PAPPA2: variants seen among roughly 807,000 people sequenced by gnomAD.
PAPPA2 encodes pappalysin-2.
A neutral mutation model predicts 176.4 loss-of-function variants in PAPPA2; 86 were observed. That is an observed-to-expected ratio of 0.49 (90% CI 0.41 to 0.58). The LOEUF (loss-of-function observed/expected upper bound fraction) is 0.58, where lower values mean the gene tolerates loss of function less well. Ranked by LOEUF, PAPPA2 falls within the 20% of genes least tolerant of loss-of-function variation. The pLI is 0.00. For missense variants in PAPPA2, 2,073 were observed against 2,256.9 expected (o/e 0.92, Z 1.65); for synonymous variants, 809 against 852.2 (o/e 0.95, Z 0.88).
At chr1:176,574,284 T>G (rs1652518753) in intron 2 of PAPPA2, among the ~76,000 whole-genome samples, 1 of 152,186 alleles carries the variant, frequency 6.6e-6, no homozygotes, top group Non-Finnish European at 1.5e-5. Context: ...GTTTTACATG[T>G]GCGAATTAAT....
rs528448881 is a variant in PAPPA2, at chr1:176,596,360, T to C, written c.1991+765T>C. ...GCACAGCCTCGCTGACTTGATTCTG[T>C]TCCATTGAACAGATCAAGCTTTTTT... On this transcript the variant is annotated intron_variant, in intron 3 of 22. Coordinates refer to ENST00000367662, the MANE Select transcript of PAPPA2 (RefSeq NM_020318.3). 2.6e-5 allele frequency among the ~76,000 whole-genome samples: 4 copies of C among 152,318 alleles called. No individual in the cohort carries two copies. In the South Asian group the frequency reaches 8.3e-4, roughly 32 times the overall value.
intron 3 of PAPPA2, among the ~76,000 whole-genome samples, chr1:176,608,662 C>T (rs561403079): frequency 8.5e-5 from 13 of 152,244 alleles, no homozygotes; most frequent in African/African-American, 3.1e-4. Context: ...ATGTGAGGCT[C>T]TCTTATCGAA....
intron 2 of PAPPA2, among the ~76,000 whole-genome samples, chr1:176,562,638 A>T (rs1275791851): frequency 6.6e-6 from 1 of 152,214 alleles, no homozygotes; most frequent in Non-Finnish European, 1.5e-5. Context: ...AGTCATGGCC[A>T]CCTGCCCTAA....
At chr1:176,693,884 A>C (rs777165766) in intron 6 of PAPPA2, among the ~76,000 whole-genome samples, 1 of 152,192 alleles carries the variant, frequency 6.6e-6, no homozygotes, top group Non-Finnish European at 1.5e-5. Flanking sequence ...AGAGTTTTAC[A>C]TCCGTTTATG....
At chr1:176,808,622 C>A (rs1666011828) in intron 21 of PAPPA2, among the ~76,000 whole-genome samples, 1 of 152,056 alleles carries the variant, frequency 6.6e-6, no homozygotes, top group South Asian at 2.1e-4. Context: ...GGTCTTGAGA[C>A]AACAAGCCAC....
At chr1:176,592,443 C>T (rs988083328) in intron 2 of PAPPA2, among the ~76,000 whole-genome samples, 1 of 152,096 alleles carries the variant, frequency 6.6e-6, no homozygotes, top group Admixed American at 6.5e-5. Flanking sequence ...CTGGTATAAT[C>T]AGAGTGGTCC....
At chr1:176,775,115 A>G (rs1664399956) in intron 17 of PAPPA2, among the ~76,000 whole-genome samples, 1 of 152,140 alleles carries the variant, frequency 6.6e-6, no homozygotes, top group Non-Finnish European at 1.5e-5. Context: ...GCCATTGTAC[A>G]CCAAACTTCT....
chr1:176,498,246 G>A (rs566092839), intron 1 of PAPPA2, among the ~76,000 whole-genome samples: 6 of 151,750 alleles, frequency 4.0e-5, no homozygotes, highest in Admixed American at 2.0e-4. Context: ...CCTTTTCCTC[G>A]GGGCATAGCA....
At chr1:176,707,719 C>A (rs1293755828) in intron 10 of PAPPA2, among the ~76,000 whole-genome samples, 1 of 152,188 alleles carries the variant, frequency 6.6e-6, no homozygotes, top group Non-Finnish European at 1.5e-5. Context: ...ACAATGAAAT[C>A]TTTGCAGAGC....
chr1:176,527,143 T>C (rs542922077), intron 1 of PAPPA2, among the ~76,000 whole-genome samples: 1 of 152,260 alleles, frequency 6.6e-6, no homozygotes, highest in South Asian at 2.1e-4. Flanking sequence ...AAAGAGTCTT[T>C]AGAAATGCAG....
chr1:176,601,014 T>C (rs1654290127), intron 3 of PAPPA2, among the ~76,000 whole-genome samples: 1 of 152,094 alleles, frequency 6.6e-6, no homozygotes, highest in Non-Finnish European at 1.5e-5. Flanking sequence ...CCAATGTGTC[T>C]CCCAAAGTTC....
chr1:176,668,504 A>T (rs1464464357), intron 3 of PAPPA2, among the ~76,000 whole-genome samples: 2 of 151,876 alleles, frequency 1.3e-5, no homozygotes, highest in Non-Finnish European at 2.9e-5. Flanking sequence ...AATAATATCC[A>T]TTTTTTTTCC....
chr1:176,780,159 G>T (rs1399675771), intron 17 of PAPPA2, among the ~76,000 whole-genome samples: 2 of 152,072 alleles, frequency 1.3e-5, no homozygotes, highest in East Asian at 3.9e-4. Flanking sequence ...CAGTGGTTAA[G>T]TTAATTCCCA....
chr1:176,583,291 A>C (rs1343831441), intron 2 of PAPPA2, among the ~76,000 whole-genome samples: 5 of 149,706 alleles, frequency 3.3e-5, no homozygotes, highest in Non-Finnish European at 7.4e-5. Context: ...TGCTTTTCTC[A>C]TTGTTTGAAG....
intron 12 of PAPPA2, among the ~76,000 whole-genome samples, chr1:176,735,725 TATCTATCTATCTATC>T (rs916484773): frequency 7.6e-5 from 11 of 144,606 alleles, no homozygotes; most frequent in African/African-American, 2.8e-4. Context: ...TCTATCTATC[TATCTATCTATCTATC>T]ATCTATCTGT....
chr1:176,622,354 T>A (rs1274853888), intron 3 of PAPPA2, among the ~76,000 whole-genome samples: 1 of 152,198 alleles, frequency 6.6e-6, no homozygotes, highest in Non-Finnish European at 1.5e-5. Context: ...TGCAACAACC[T>A]GAATCTCTCA....
intron 2 of PAPPA2, among the ~76,000 whole-genome samples, chr1:176,565,317 C>A (rs923574760): frequency 3.9e-5 from 6 of 152,054 alleles, no homozygotes; most frequent in African/African-American, 1.4e-4. Flanking sequence ...CATTTTGAGG[C>A]TCTACCAGAC....
chr1:176,566,141 G>C lies in PAPPA2; in HGVS notation c.919+8900G>C, dbSNP rs929400555. 6.6e-5 allele frequency among the ~76,000 whole-genome samples: 10 copies of C among 152,194 alleles called. No individual in the cohort carries two copies. The East Asian group carries it at 1.9e-3, about 29-fold the overall frequency. On this transcript the variant is annotated intron_variant, in intron 2 of 22. Coordinates refer to ENST00000367662, the MANE Select transcript of PAPPA2 (RefSeq NM_020318.3). ...TGAAGCTCACATAGCTCACATAGCTGTGAACTTTCTCCTAGATTCCAGCTC... is the reference window on the plus strand; with the variant it reads ...TGAAGCTCACATAGCTCACATAGCTCTGAACTTTCTCCTAGATTCCAGCTC...
chr1:176,511,626 T>A (rs896665694), intron 1 of PAPPA2, among the ~76,000 whole-genome samples: 1 of 152,188 alleles, frequency 6.6e-6, no homozygotes, highest in African/African-American at 2.4e-5. Context: ...GAGATTAGCA[T>A]TTGCATCAGT....
Sources: gnomAD v4.1 joint callset for allele counts (sites outside exome capture counted in the v4.1 genomes callset) on GRCh38, gnomAD v4.1.1 for gene constraint, MANE v1.5 for transcripts, NCBI Gene and HGNC (gene_info 2026-07-23, HGNC 2026-07-21) for gene names.